Variants in GALNT18 observed in about 807,000 individuals in gnomAD.
GALNT18 encodes the protein polypeptide N-acetylgalactosaminyltransferase 18, also known as GalNAc-transferase 18.
In GALNT18, 44 loss-of-function variants were observed where a neutral mutation model predicts 69.5. The ratio of observed to expected loss-of-function variants is 0.63; its 90% CI spans 0.50 to 0.81. GALNT18 has a LOEUF of 0.81. GALNT18 is among the 40% of genes least tolerant of loss of function. The pLI is 0.00. For missense variants in GALNT18, 715 were observed against 810.0 expected (o/e 0.88, Z 1.42); for synonymous variants, 364 against 318.2 (o/e 1.14, Z -1.53).
intron 5 of GALNT18, among the ~76,000 whole-genome samples, chr11:11,375,590 T>C (rs1409821292): frequency 6.6e-6 from 1 of 152,156 alleles, no homozygotes; most frequent in Non-Finnish European, 1.5e-5. Context: ...GAGTCTAGCT[T>C]CTCTGGGTGG....
intron 3 of GALNT18, among the ~76,000 whole-genome samples, chr11:11,394,666 CCTCAATCATGGCCTCACTAGGT>C (rs749549338): frequency 6.6e-6 from 1 of 152,230 alleles, no homozygotes; most frequent in Non-Finnish European, 1.5e-5. Flanking sequence ...AAGCTCCACG[CCTCAATCATGGCCTCACTAGGT>C]CTCTAACAAG....
Position 11,621,684 on chromosome 11 carries a change from G to C in GALNT18, c.-91C>G, listed in dbSNP as rs536607636. ...CGCGCTCGCACCCCGTAGCACGTCC[G>C]GAGCCGCTGGGCACCTCAGCACCTG... On this transcript the variant is annotated 5_prime_UTR_variant, in exon 1 of 11. Transcript: ENST00000227756. The surrounding 1 kb of genome is among the most constrained non-coding windows in gnomAD (Gnocchi z 9.3). The C allele has an allele frequency of 1.1e-6, 1 of 934,448 alleles. No individual in the cohort carries two copies. The highest frequency in any genetic ancestry group is 1.6e-5 in the South Asian group (1 of 62,720). The allele number at this position is 934,448 out of a possible 1,614,324, so 57.9% of individuals were successfully genotyped here.
intron 1 of GALNT18, among the ~76,000 whole-genome samples, chr11:11,519,587 T>A (rs1446259511): frequency 6.6e-6 from 1 of 152,226 alleles, no homozygotes; most frequent in African/African-American, 2.4e-5. Context: ...ATTCTCCATA[T>A]GGGCCAGCCA....
intron 6 of GALNT18, among the ~76,000 whole-genome samples, chr11:11,343,942 C>T (rs919719168): frequency 5.3e-5 from 8 of 152,140 alleles, no homozygotes; most frequent in Non-Finnish European, 8.8e-5. Flanking sequence ...ATTCACTCCC[C>T]TCTTCCCATC....
At chr11:11,453,824 G>C (rs1223300103) in intron 1 of GALNT18, among the ~76,000 whole-genome samples, 1 of 152,202 alleles carries the variant, frequency 6.6e-6, no homozygotes, top group African/African-American at 2.4e-5. Flanking sequence ...GTGGAACTGT[G>C]AGTCCATTAA....
chr11:11,475,637 G>A (rs774954447), intron 1 of GALNT18: 6 of 152,228 alleles, frequency 3.9e-5, no homozygotes, highest in East Asian at 3.9e-4. Context: ...AAGTGCTTAC[G>A]GTACCCAACA....
chr11:11,334,577 T>C (rs536734486), intron 7 of GALNT18, among the ~76,000 whole-genome samples: 2 of 151,696 alleles, frequency 1.3e-5, no homozygotes, highest in South Asian at 4.2e-4. Flanking sequence ...AATTTAGATA[T>C]AAAAGAGATA....
In GALNT18 at chr11:11,377,900, C is replaced by T. The variant is rs978097254; in HGVS notation, c.780-521G>A. ...GCTGTGCCACATCCACCCCCCAAAG[C>T]GTTTCCCAACCACCCAAGGAGGGGT... On this transcript the variant is annotated intron_variant, in intron 4 of 10. Transcript: ENST00000227756. The surrounding 1 kb of genome is among the most constrained non-coding windows in gnomAD (Gnocchi z 4.6). 1.3e-5 allele frequency among the ~76,000 whole-genome samples: 2 copies of T among 152,140 alleles called. No homozygotes were observed. Among genetic ancestry groups the T allele is most frequent in the Admixed American group, 1.3e-4 (2 of 15,282 alleles).
chr11:11,578,510 A>C (rs1413891139), intron 1 of GALNT18, among the ~76,000 whole-genome samples: 2 of 152,230 alleles, frequency 1.3e-5, no homozygotes, highest in African/African-American at 4.8e-5. Context: ...TAATGTGTGC[A>C]ATGGCCTTAA....
chr11:11,368,999 T>G (rs1850836093), intron 6 of GALNT18, among the ~76,000 whole-genome samples: 1 of 152,234 alleles, frequency 6.6e-6, no homozygotes, highest in African/African-American at 2.4e-5. Context: ...TACTTTATAC[T>G]GAGAAAACAG....
rs919276756 is a variant in GALNT18, at chr11:11,461,030, C to T, written c.236-12094G>A. On this transcript the variant is annotated intron_variant, in intron 1 of 10. Transcript: ENST00000227756. This position sits in a 1 kb window ranked among gnomAD's most constrained non-coding sequence, Gnocchi z 4.1. ...AACTCCAGCTAGGTGGGCTAGGACT[C>T]AGGAAGGGTGGTGGGTCCCAGCAAA... 2.0e-5 allele frequency among the ~76,000 whole-genome samples: 3 copies of T among 152,164 alleles called. No individual in the cohort carries two copies. Among genetic ancestry groups the T allele is most frequent in the African/African-American group, 7.2e-5 (3 of 41,438 alleles).
rs1464684118 is a variant in GALNT18, at chr11:11,347,984, A to G, written c.1093-6980T>C. ...GAACGGTCAGAGATGTAGGCAAATAATAGGGGTGGGCAGGACACTGACACT... is the reference window on the plus strand; with the variant it reads ...GAACGGTCAGAGATGTAGGCAAATAGTAGGGGTGGGCAGGACACTGACACT... On this transcript the variant is annotated intron_variant, in intron 6 of 10. Coordinates refer to ENST00000227756, the MANE Select transcript of GALNT18 (RefSeq NM_198516.3). The surrounding 1 kb of genome is among the most constrained non-coding windows in gnomAD (Gnocchi z 4.0). Among the ~76,000 whole-genome samples the G allele has an allele frequency of 3.3e-5, 5 of 152,108 alleles. No individual in the cohort carries two copies. The highest frequency in any genetic ancestry group is 1.2e-4 in the African/African-American group (5 of 41,420).
chr11:11,452,699 C>G (rs1205530536), intron 1 of GALNT18, among the ~76,000 whole-genome samples: 1 of 152,210 alleles, frequency 6.6e-6, no homozygotes, highest in African/African-American at 2.4e-5. Flanking sequence ...AGAGAAGTGT[C>G]TGGGCTGGGT....
At chr11:11,532,875 GCAGA>G (rs779227242) in intron 1 of GALNT18, among the ~76,000 whole-genome samples, 25 of 152,354 alleles carry the variant, frequency 1.6e-4, no homozygotes, top group Non-Finnish European at 3.1e-4. Flanking sequence ...CAGATAATTT[GCAGA>G]CAGTCTATGC....
intron 9 of GALNT18, among the ~76,000 whole-genome samples, chr11:11,312,092 G>A (rs2133030343): frequency 6.6e-6 from 1 of 152,296 alleles, no homozygotes; most frequent in Middle Eastern, 3.4e-3. Flanking sequence ...GAGTAGCTGG[G>A]ACTACAGGTG....
At chr11:11,385,453 A>G (rs986168465) in intron 3 of GALNT18, among the ~76,000 whole-genome samples, 1 of 151,838 alleles carries the variant, frequency 6.6e-6, no homozygotes, top group Non-Finnish European at 1.5e-5. Flanking sequence ...TCGCCACCAC[A>G]TCCGGCTAAT....
intron 7 of GALNT18, among the ~76,000 whole-genome samples, chr11:11,334,984 T>TTA (rs1406900001): frequency 2.0e-5 from 3 of 152,212 alleles, no homozygotes; most frequent in Admixed American, 6.5e-5. Flanking sequence ...CCATGGTACT[T>TTA]TATCCTTATA....
In GALNT18 at chr11:11,621,626, G is replaced by T; in HGVS notation, c.-33C>A. 2 of 1,508,854 alleles carry T rather than the reference G, an allele frequency of 1.3e-6. No homozygotes were observed. The highest frequency in any genetic ancestry group is 1.8e-6 in the Non-Finnish European group (2 of 1,108,650). The allele number at this position is 1,508,854 out of a possible 1,614,324, so 93.5% of individuals were successfully genotyped here. A position where few individuals can be genotyped will look rare whatever the true frequency, so the allele number is the denominator to read the frequency against. On this transcript the variant is annotated 5_prime_UTR_variant, in exon 1 of 11. Transcript: ENST00000227756. The surrounding 1 kb of genome is among the most constrained non-coding windows in gnomAD (Gnocchi z 9.3). The stretch of plus-strand genomic sequence containing the variant: ...TCCTTCCTCCATATAGAGCTCCCGG[G>T]GGCCCTTCCTTGTCGTGCGCCCCGA...
At position 11,469,271 on chromosome 11, in the gene GALNT18, G is replaced by A. The variant is rs1294522071; in HGVS notation, c.236-20335C>T. Among the ~76,000 whole-genome samples, 2 of 152,226 alleles carry A rather than the reference G, an allele frequency of 1.3e-5. No homozygotes were observed. The highest frequency in any genetic ancestry group is 1.3e-4 in the Admixed American group (2 of 15,284). On this transcript the variant is annotated intron_variant, in intron 1 of 10. Transcript: ENST00000227756. This position sits in a 1 kb window ranked among gnomAD's most constrained non-coding sequence, Gnocchi z 4.2. ...AGGCCCCAAACCATGGTACCAGACT[G>A]TTCCCAGGGACTTCACAGAGGGAGC...
Sources: gnomAD v4.1 joint callset for allele counts (sites outside exome capture counted in the v4.1 genomes callset) on GRCh38, gnomAD v4.1.1 for gene constraint, Gnocchi (gnomAD v3.1) non-coding constraint, MANE v1.5 for transcripts, NCBI Gene and HGNC (gene_info 2026-07-23, HGNC 2026-07-21) for gene names.